Variants in RBFOX2 observed in about 807,000 individuals in gnomAD.
The protein encoded by RBFOX2 is RNA binding fox-1 homolog 2.
A neutral mutation model predicts 49.1 loss-of-function variants in RBFOX2; 10 were observed. The observed-to-expected ratio is 0.20, with a 90% CI of 0.13 to 0.35. The LOEUF (loss-of-function observed/expected upper bound fraction) is 0.35, where lower values mean the gene tolerates loss of function less well. Among genes scored for constraint, RBFOX2 ranks in the 10% least tolerant of loss-of-function variants. The pLI is 1.00. For synonymous variants in RBFOX2, 183 were observed against 187.4 expected, an observed-to-expected ratio of 0.98 and a Z score of 0.19; for missense variants, 323 against 486.9, an observed-to-expected ratio of 0.66 and a Z score of 3.17.
chr22:35,806,956 AC>A (rs759993604), intron 2 of RBFOX2, among the ~76,000 whole-genome samples: 7 of 152,100 alleles, frequency 4.6e-5, no homozygotes, highest in Non-Finnish European at 8.8e-5. Context: ...GGCGCACACC[AC>A]CACGCCCGGC....
intron 1 of RBFOX2, among the ~76,000 whole-genome samples, chr22:35,898,834 T>C (rs2048192995): frequency 6.6e-6 from 1 of 152,136 alleles, no homozygotes; most frequent in Admixed American, 6.5e-5. Flanking sequence ...TAGGATAGGA[T>C]AAAGATAAAA....
At chr22:35,968,732 G>A (rs766464942) in intron 1 of RBFOX2, among the ~76,000 whole-genome samples, 19 of 152,238 alleles carry the variant, frequency 1.2e-4, no homozygotes, top group Middle Eastern at 6.8e-3. Flanking sequence ...ATAGTGCTAG[G>A]CACCATGAAT....
chr22:35,809,519 T>C (rs955685117), intron 2 of RBFOX2, among the ~76,000 whole-genome samples: 2 of 151,998 alleles, frequency 1.3e-5, no homozygotes, highest in Non-Finnish European at 2.9e-5. Flanking sequence ...TACTGCACCA[T>C]TTAAAAGTTG....
At chr22:35,821,266 T>C (rs1954399173) in intron 1 of RBFOX2, among the ~76,000 whole-genome samples, 1 of 152,148 alleles carries the variant, frequency 6.6e-6, no homozygotes, top group Non-Finnish European at 1.5e-5. Flanking sequence ...CACATGCACA[T>C]GATAGCAAAT....
intron 1 of RBFOX2, among the ~76,000 whole-genome samples, chr22:35,868,689 C>CA (rs1375471554): frequency 1.3e-5 from 2 of 152,208 alleles, no homozygotes; most frequent in African/African-American, 2.4e-5. Flanking sequence ...GGTTGAGCTT[C>CA]ACAAGGCCCA....
At chr22:35,821,742 G>A (rs372038323) in intron 1 of RBFOX2, 7 of 517,380 alleles carry the variant, frequency 1.4e-5, no homozygotes, top group African/African-American at 1.2e-4. Flanking sequence ...AGGGATTACT[G>A]ACTGCTCTGA....
intron 2 of RBFOX2, among the ~76,000 whole-genome samples, chr22:35,796,186 A>G (rs1321788122): frequency 2.0e-5 from 3 of 152,082 alleles, no homozygotes; most frequent in African/African-American, 7.2e-5. Context: ...CATGTGGGAA[A>G]CCCTTTTAAC....
upstream of RBFOX2, among the ~76,000 whole-genome samples, chr22:35,942,079 T>C (rs761989204): frequency 6.6e-6 from 1 of 152,230 alleles, no homozygotes; most frequent in Non-Finnish European, 1.5e-5. Context: ...ATGATTGCCA[T>C]TTAGTATTCT....
At chr22:35,897,783 A>G in intron 1 of RBFOX2, 1 of 756,598 alleles carries the variant, frequency 1.3e-6, no homozygotes, top group Non-Finnish European at 2.5e-6. Flanking sequence ...CCTCTCTTCC[A>G]AAGATGTCCA....
intron 1 of RBFOX2, among the ~76,000 whole-genome samples, chr22:35,888,252 C>T (rs1402619764): frequency 6.6e-6 from 1 of 152,150 alleles, no homozygotes; most frequent in Non-Finnish European, 1.5e-5. Context: ...AATTTACTCC[C>T]CATTTTTTTG....
intron 1 of RBFOX2, among the ~76,000 whole-genome samples, chr22:35,974,179 G>A (rs1037096419): frequency 1.3e-5 from 2 of 152,184 alleles, no homozygotes; most frequent in African/African-American, 4.8e-5. Context: ...AGCAGTAGAA[G>A]GAGCCAATCA....
exon 12 of RBFOX2, chr22:35,739,224 G>A (rs1928565276): frequency 6.6e-6 from 1 of 152,632 alleles, no homozygotes; most frequent in Non-Finnish European, 1.5e-5. Flanking sequence ...GGGGCTGGAG[G>A]AACAGCATGT....
chr22:35,779,224 T>G (rs890862719), intron 3 of RBFOX2, among the ~76,000 whole-genome samples: 2 of 152,218 alleles, frequency 1.3e-5, no homozygotes, highest in African/African-American at 4.8e-5. Context: ...TTTTAATCAA[T>G]GCTTGGATGA....
At chr22:36,006,531 A>G (rs2058625205) in intron 1 of RBFOX2, among the ~76,000 whole-genome samples, 1 of 152,260 alleles carries the variant, frequency 6.6e-6, no homozygotes, top group South Asian at 2.1e-4. Flanking sequence ...TTATAAGGAT[A>G]TGTTTCTGAA....
At chr22:35,876,391 T>C (rs1215254634) in intron 1 of RBFOX2, among the ~76,000 whole-genome samples, 4 of 152,052 alleles carry the variant, frequency 2.6e-5, no homozygotes, top group Admixed American at 2.0e-4. Flanking sequence ...TAGTGGTCTT[T>C]ATTTCTGAAA....
At chr22:35,799,796 A>T (rs1290598438) in intron 2 of RBFOX2, among the ~76,000 whole-genome samples, 3 of 151,926 alleles carry the variant, frequency 2.0e-5, no homozygotes, top group Admixed American at 6.6e-5. Context: ...CAAATAATAA[A>T]AAAAAAATTA....
chr22:36,002,383 T>G lies in RBFOX2; in HGVS notation c.186+25857A>C, dbSNP rs888757175. On this transcript the variant is annotated intron_variant, in intron 1 of 13. Coordinates refer to the RBFOX2 transcript ENST00000438146. Reference sequence around the variant, plus strand: ...GGACATGTTTAAACAAATCATGATTTTAAAAAAAACAAACAAAAAAACTTA... The same window carrying G: ...GGACATGTTTAAACAAATCATGATTGTAAAAAAAACAAACAAAAAAACTTA... Among the ~76,000 whole-genome samples the G allele has an allele frequency of 3.9e-5, 6 of 152,264 alleles. No homozygotes were observed. The East Asian group carries it at 1.2e-3, about 29-fold the overall frequency.
chr22:35,764,571 C>T (rs1236266162), intron 6 of RBFOX2, among the ~76,000 whole-genome samples: 11 of 141,068 alleles, frequency 7.8e-5, no homozygotes, highest in South Asian at 4.5e-4. Context: ...GGTGACAAAG[C>T]GAGACTCCGT....
At chr22:35,831,212 G>A (rs1212786035) in intron 1 of RBFOX2, among the ~76,000 whole-genome samples, 1 of 152,184 alleles carries the variant, frequency 6.6e-6, no homozygotes, top group Non-Finnish European at 1.5e-5. Flanking sequence ...GGGAGGCCGA[G>A]GTGGGCAGAT....
Sources: gnomAD v4.1 joint callset for allele counts (sites outside exome capture counted in the v4.1 genomes callset) on GRCh38, gnomAD v4.1.1 for gene constraint, MANE v1.5 for transcripts, NCBI Gene and HGNC (gene_info 2026-07-23, HGNC 2026-07-21) for gene names.